The following MTA3 variants were observed in gnomAD, a reference collection of about 807,000 sequenced individuals.
MTA3 encodes the protein metastasis associated 1 family member 3, also known as metastasis-associated protein MTA3.
MTA3 carries 34 observed loss-of-function variants against 83.5 expected under a neutral mutation model. The ratio of observed to expected loss-of-function variants is 0.41; its 90% confidence interval spans 0.31 to 0.54. The LOEUF is 0.54. Ranked by LOEUF, MTA3 falls within the 20% of genes least tolerant of loss-of-function variation. MTA3 has a pLI of 0.33. For missense variants in MTA3, 761 were observed against 726.4 expected, an observed-to-expected ratio of 1.05 and a Z score of -0.55; for synonymous variants, 303 against 252.7, an observed-to-expected ratio of 1.20 and a Z score of -1.89.
At chr2:42,500,968 G>A (rs1266806225) in intron 2 of MTA3, among the ~76,000 whole-genome samples, 3 of 151,862 alleles carry the variant, frequency 2.0e-5, no homozygotes, top group Non-Finnish European at 4.4e-5. Context: ...CTGCCACTAC[G>A]CCCGGCTAAT....
At chr2:42,500,149 A>G (rs1441918191) in intron 2 of MTA3, among the ~76,000 whole-genome samples, 3 of 152,128 alleles carry the variant, frequency 2.0e-5, no homozygotes, top group Non-Finnish European at 4.4e-5. Context: ...CTATAATCTC[A>G]GCACTTTGTG....
At chr2:42,517,910 G>C in intron 2 of MTA3, among the ~76,000 whole-genome samples, 1 of 151,540 alleles carries the variant, frequency 6.6e-6, no homozygotes, top group Non-Finnish European at 1.5e-5. Flanking sequence ...TAGAGGCTGG[G>C]CGTGGTGGCT....
At chr2:42,658,761 A>G (rs1054163933) in intron 7 of MTA3, among the ~76,000 whole-genome samples, 3 of 152,064 alleles carry the variant, frequency 2.0e-5, no homozygotes, top group Non-Finnish European at 4.4e-5. Context: ...GTTGTATTTT[A>G]ATTAAAATAT....
chr2:42,553,167 T>G (rs935103773), intron 2 of MTA3, among the ~76,000 whole-genome samples: 3 of 151,720 alleles, frequency 2.0e-5, no homozygotes, highest in Non-Finnish European at 2.9e-5. Flanking sequence ...GGCTCAAGCC[T>G]GTAATCCCAG....
At chr2:42,680,824 T>TC (rs1691822244) in intron 8 of MTA3, among the ~76,000 whole-genome samples, 1 of 152,120 alleles carries the variant, frequency 6.6e-6, no homozygotes, top group Non-Finnish European at 1.5e-5. Context: ...TGATCTCAGC[T>TC]CACTGCAGCC....
At chr2:42,676,648 C>T (rs1216111494) in intron 8 of MTA3, among the ~76,000 whole-genome samples, 2 of 152,126 alleles carry the variant, frequency 1.3e-5, no homozygotes, top group African/African-American at 4.8e-5. Context: ...CACCTGTAGT[C>T]CCAGTTACTT....
At chr2:42,752,112 A>G (rs987875574) in intron 16 of MTA3, 14 of 463,194 alleles carry the variant, frequency 3.0e-5, no homozygotes, top group Non-Finnish European at 4.4e-5. Context: ...AACCTACAGT[A>G]TGTTCAATAA....
At chr2:42,741,398 A>G (rs577952709) in intron 16 of MTA3, among the ~76,000 whole-genome samples, 101 of 152,276 alleles carry the variant, frequency 6.6e-4, no homozygotes, top group African/African-American at 2.3e-3. Context: ...AGTTGCATTC[A>G]CCACTTGGTT....
At chr2:42,674,870 G>A (rs1415228683) in intron 8 of MTA3, among the ~76,000 whole-genome samples, 2 of 151,560 alleles carry the variant, frequency 1.3e-5, no homozygotes, top group African/African-American at 4.8e-5. Context: ...AAAGTGCTGG[G>A]ATTAGAGGCG....
At chr2:42,515,146 C>T (rs1039150234) in intron 2 of MTA3, among the ~76,000 whole-genome samples, 2 of 151,844 alleles carry the variant, frequency 1.3e-5, no homozygotes, top group African/African-American at 2.4e-5. Context: ...GCCAGCTCTG[C>T]CTCCCGGGTT....
At chr2:42,502,805 A>AAAAAAAAAAG (rs1674454835) in intron 2 of MTA3, among the ~76,000 whole-genome samples, 1 of 150,050 alleles carries the variant, frequency 6.7e-6, no homozygotes, top group Non-Finnish European at 1.5e-5. Flanking sequence ...CTCAAAAAAA[A>AAAAAAAAAAG]AAAAAAAATT....
intron 9 of MTA3, among the ~76,000 whole-genome samples, chr2:42,694,054 G>T (rs755881125): frequency 6.6e-6 from 1 of 152,174 alleles, no homozygotes; most frequent in Non-Finnish European, 1.5e-5. Flanking sequence ...AATGTGTATA[G>T]GAGCTAGGGC....
chr2:42,558,022 G>A (rs886886687), intron 2 of MTA3, among the ~76,000 whole-genome samples: 5 of 152,064 alleles, frequency 3.3e-5, no homozygotes, highest in Non-Finnish European at 5.9e-5. Flanking sequence ...GTATTCATTG[G>A]CCACCACTTT....
intron 8 of MTA3, among the ~76,000 whole-genome samples, chr2:42,669,134 G>C (rs1476302963): frequency 6.7e-6 from 1 of 149,868 alleles, no homozygotes; most frequent in Non-Finnish European, 1.5e-5. Flanking sequence ...ACCCAGGCTG[G>C]AGTGCAGTGG....
At chr2:42,694,869 G>A (rs954593476) in intron 9 of MTA3, among the ~76,000 whole-genome samples, 1 of 152,148 alleles carries the variant, frequency 6.6e-6, no homozygotes, top group Admixed American at 6.5e-5. Context: ...GGCTGGTCAC[G>A]GTGGCTCATC....
chr2:42,643,334 A>T (rs1007324188), intron 5 of MTA3, among the ~76,000 whole-genome samples: 1 of 152,160 alleles, frequency 6.6e-6, no homozygotes, highest in African/African-American at 2.4e-5. Context: ...TCGTAGTGGA[A>T]AGCAGAAGAT....
intron 8 of MTA3, among the ~76,000 whole-genome samples, chr2:42,667,099 G>C (rs1690296867): frequency 6.6e-6 from 1 of 151,952 alleles, no homozygotes; most frequent in African/African-American, 2.4e-5. Flanking sequence ...TTAAGAGATG[G>C]GGTCATGCTG....
chr2:42,534,529 A>C (rs1214331876), intron 2 of MTA3, among the ~76,000 whole-genome samples: 5 of 152,018 alleles, frequency 3.3e-5, no homozygotes, highest in Non-Finnish European at 7.4e-5. Context: ...CCCGGGAGGC[A>C]GAGGTTGCAG....
chr2:42,593,918 C>G (rs1341765107), intron 3 of MTA3, among the ~76,000 whole-genome samples: 2 of 151,202 alleles, frequency 1.3e-5, no homozygotes, highest in African/African-American at 2.4e-5. Context: ...AATGAGTGCC[C>G]ATTCCCTTCC....
Sources: allele counts gnomAD v4.1 joint callset (sites outside exome capture counted in the v4.1 genomes callset), GRCh38; gene constraint gnomAD v4.1.1; transcripts MANE v1.5; gene names NCBI Gene and HGNC (gene_info 2026-07-23, HGNC 2026-07-21).